The following ACBD5 variants were observed in gnomAD, a reference collection of about 807,000 sequenced individuals.
ACBD5 encodes the protein acyl-CoA-binding domain-containing protein 5.
Under a neutral mutation model 71.8 loss-of-function variants are expected in ACBD5, and 40 were observed. The observed-to-expected ratio is 0.56, with a 90% CI of 0.43 to 0.72. The LOEUF (loss-of-function observed/expected upper bound fraction) is 0.72. Among genes scored for constraint, ACBD5 ranks in the 30% least tolerant of loss-of-function variants. ACBD5 has a pLI of 0.00. For missense variants in ACBD5, 559 were observed against 644.5 expected (o/e 0.87, Z 1.44); for synonymous variants, 229 against 218.6 (o/e 1.05, Z -0.42).
rs150997365 is a variant in ACBD5 at position 27,219,452 on chromosome 10, CAT to C, written c.625+269_625+270del. 5.9e-3 allele frequency among the ~76,000 whole-genome samples: 905 copies of C among 152,254 alleles called. 9 individuals carry two copies. Among genetic ancestry groups the C allele is most frequent in the African/African-American group, 0.019 (775 of 41,552 alleles). ...TTGGGAACAACACTTTAAAATAGCA[CAT>C]GTCTAATGCAGCATTTCAGGCCATC... On this transcript the variant is annotated intron_variant, in intron 6 of 12. Transcript: ENST00000396271.
intron 12 of ACBD5, among the ~76,000 whole-genome samples, chr10:27,201,806 G>A (rs151106239): frequency 2.6e-5 from 4 of 152,224 alleles, no homozygotes; most frequent in Non-Finnish European, 5.9e-5. Context: ...TACATATATA[G>A]GACTACCCTA....
intron 12 of ACBD5, among the ~76,000 whole-genome samples, chr10:27,200,553 C>T (rs1245529783): frequency 6.6e-6 from 1 of 151,832 alleles, no homozygotes; most frequent in Non-Finnish European, 1.5e-5. Context: ...CAAGCAATTC[C>T]CCTGCCTCAA....
At chr10:27,192,176 CAG>C (rs1480746678), downstream of ACBD5, among the ~76,000 whole-genome samples, 1 of 151,576 alleles carries the variant, frequency 6.6e-6, no homozygotes, top group Non-Finnish European at 1.5e-5. Context: ...GAAGAATCAT[CAG>C]AGACTACTGG....
At chr10:27,230,675 T>G (rs919153786) in intron 4 of ACBD5, among the ~76,000 whole-genome samples, 1 of 151,310 alleles carries the variant, frequency 6.6e-6, no homozygotes, top group Non-Finnish European at 1.5e-5. Flanking sequence ...TGCGCGCCTG[T>G]AATCCTAGCT....
chr10:27,210,983 A>T lies in ACBD5; in HGVS notation c.1035T>A (p.Ile345=). The T allele has an allele frequency of 6.2e-7, 1 of 1,614,142 alleles. No individual in the cohort carries two copies. The highest frequency in any genetic ancestry group is 8.5e-7 in the Non-Finnish European group (1 of 1,180,038). ...TGTTGCCATTTCCAGGAGGTACTTG[A>T]ATATCTTCACGAAATCCAGAATTTT... ...PMENSGFRED[I]QVPPGNGNIG... Residue 345 remains isoleucine (I), a synonymous_variant, in exon 9 of 13, where the codon ATT becomes ATA. Transcript: ENST00000396271.
chr10:27,192,826 C>T (rs190151863), downstream of ACBD5, among the ~76,000 whole-genome samples: 735 of 151,810 alleles, frequency 4.8e-3, 6 homozygotes, highest in African/African-American at 0.017. Context: ...AAAAATTAGC[C>T]GGGCGTGGTG....
chr10:27,194,648 T>TAATAATAAGAAG (rs1554822403), downstream of ACBD5, among the ~76,000 whole-genome samples: 1 of 148,574 alleles, frequency 6.7e-6, no homozygotes, highest in African/African-American at 2.5e-5. Flanking sequence ...ATAATAATAA[T>TAATAATAAGAAG]AAGATGGTTG....
intron 3 of ACBD5, among the ~76,000 whole-genome samples, chr10:27,234,288 A>G (rs529958395): frequency 6.6e-6 from 1 of 152,268 alleles, no homozygotes; most frequent in African/African-American, 2.4e-5. Context: ...AGTATATAAA[A>G]GATCAAATTT....
At chr10:27,200,596 C>T (rs1056762840) in intron 12 of ACBD5, among the ~76,000 whole-genome samples, 5 of 151,756 alleles carry the variant, frequency 3.3e-5, no homozygotes, top group East Asian at 3.9e-4. Context: ...AGGTGCCTCC[C>T]GAGTAGCTGG....
At chr10:27,193,976 C>A (rs11015602), downstream of ACBD5, among the ~76,000 whole-genome samples, 10,477 of 152,224 alleles carry the variant, frequency 0.069, 679 homozygotes, top group African/African-American at 0.17. Flanking sequence ...CCAGGCCAGG[C>A]GCGGTGGCTC....
At chr10:27,241,471 C>T (rs1297265304), upstream of ACBD5, among the ~76,000 whole-genome samples, 1 of 152,146 alleles carries the variant, frequency 6.6e-6, no homozygotes, top group Non-Finnish European at 1.5e-5. Flanking sequence ...AGGAGGTCGC[C>T]GGCTCCTAAA....
chr10:27,189,961 G>C (rs940778036), intron 13 of ACBD5, among the ~76,000 whole-genome samples: 2 of 151,786 alleles, frequency 1.3e-5, no homozygotes, highest in African/African-American at 4.8e-5. Context: ...AAAAATATCA[G>C]TAAACACTTA....
chr10:27,210,993 C>G lies in ACBD5; in HGVS notation c.1025G>C (p.Arg342Pro). 6.2e-7 allele frequency: 1 copy of G among 1,614,056 alleles called. No homozygotes were observed. The highest frequency in any genetic ancestry group is 1.1e-5 in the South Asian group (1 of 91,078). The change falls in exon 9 of 13, where the codon CGT (arginine) becomes CCT (proline). Residue 342 changes from arginine to proline, a missense_variant. By Grantham distance (103) the Arg-to-Pro change is moderately radical (BLOSUM62 -2). Transcript: ENST00000396271. ...TCCAGGAGGTACTTGAATATCTTCACGAAATCCAGAATTTTCCATGGGTTG... is the reference window on the plus strand; with the variant it reads ...TCCAGGAGGTACTTGAATATCTTCAGGAAATCCAGAATTTTCCATGGGTTG... Reference protein sequence around the residue: ...SSQPMENSGFREDIQVPPGNG... With the variant: ...SSQPMENSGFPEDIQVPPGNG...
At chr10:27,231,216 G>C (rs1161640888) in intron 4 of ACBD5, among the ~76,000 whole-genome samples, 2 of 152,214 alleles carry the variant, frequency 1.3e-5, no homozygotes, top group East Asian at 3.9e-4. Flanking sequence ...AGATAGGGGA[G>C]ATTAAAAACC....
chr10:27,214,455 A>C (rs1025931263), intron 8 of ACBD5, among the ~76,000 whole-genome samples: 1 of 151,974 alleles, frequency 6.6e-6, no homozygotes, highest in African/African-American at 2.4e-5. Context: ...TTTCAAGCGA[A>C]GTTCCTGCCT....
intron 5 of ACBD5, among the ~76,000 whole-genome samples, chr10:27,222,976 G>A (rs1033979515): frequency 2.0e-5 from 3 of 152,122 alleles, no homozygotes; most frequent in African/African-American, 4.8e-5. Context: ...ATAAAACCAT[G>A]AATTCTGCTA....
rs1306919706 is a variant in ACBD5, at chr10:27,196,791, C to G, written c.*639G>C. ...AGTGGGTTATGTCTAGCCTGCAAATCATTTGTAAAAACTCAGTCTGGTACA... is the reference window on the plus strand; with the variant it reads ...AGTGGGTTATGTCTAGCCTGCAAATGATTTGTAAAAACTCAGTCTGGTACA... On this transcript the variant is annotated 3_prime_UTR_variant, in exon 13 of 13. Transcript: ENST00000396271. The G allele has an allele frequency of 1.1e-5, 5 of 454,138 alleles. No individual in the cohort carries two copies. In the East Asian group the frequency reaches 3.5e-4, roughly 32 times the overall value. The allele number at this position is 454,138 out of a possible 1,614,324, so 28.1% of individuals were successfully genotyped here. A position where few individuals can be genotyped will look rare whatever the true frequency, so the allele number is the denominator to read the frequency against.
intron 4 of ACBD5, among the ~76,000 whole-genome samples, chr10:27,227,473 C>G (rs1262726847): frequency 6.6e-6 from 1 of 152,192 alleles, no homozygotes; most frequent in African/African-American, 2.4e-5. Context: ...CCAAGCACTT[C>G]TAACCTTTTG....
rs563935836 is a variant in ACBD5, at chr10:27,208,597, G to A, written c.1205-152C>T. 2.4e-5 allele frequency: 23 copies of A among 943,194 alleles called. No individual in the cohort carries two copies. In the African/African-American group the frequency reaches 3.3e-4, roughly 13 times the overall value. 58.4% of individuals were successfully genotyped at this position (943,194 alleles called of 1,614,324 possible). A position where few individuals can be genotyped will look rare whatever the true frequency, so the allele number is the denominator to read the frequency against. On this transcript the variant is annotated intron_variant, in intron 9 of 12. Transcript: ENST00000396271. ...TCACACCTGTAATCCCAGCACTTTG[G>A]GAGGCTGAGACGGGCGGATCACCTG... is the stretch of plus-strand genomic sequence containing the variant.
Sources: gnomAD v4.1 joint callset for allele counts (sites outside exome capture counted in the v4.1 genomes callset) on GRCh38, gnomAD v4.1.1 for gene constraint, MANE v1.5 for transcripts, NCBI Gene and HGNC (gene_info 2026-07-23, HGNC 2026-07-21) for gene names.